Variants in PITPNM3 observed in about 807,000 individuals in gnomAD.
PITPNM3 encodes membrane-associated phosphatidylinositol transfer protein 3.
Under a neutral mutation model 102.0 loss-of-function variants are expected in PITPNM3, and 26 were observed. The observed-to-expected ratio is 0.25, with a 90% CI of 0.19 to 0.35. The LOEUF is 0.35. Ranked by LOEUF, PITPNM3 falls within the 10% of genes least tolerant of loss-of-function variation. The probability of loss-of-function intolerance (pLI) is 1.00; values close to 1 mark genes in which losing one functional copy is unlikely to be tolerated. For missense variants in PITPNM3, 1,083 were observed against 1,346.1 expected, an observed-to-expected ratio of 0.80 and a Z score of 3.06; for synonymous variants, 578 against 558.6, an observed-to-expected ratio of 1.03 and a Z score of -0.49.
intron 3 of PITPNM3, among the ~76,000 whole-genome samples, chr17:6,513,507 A>G (rs188394625): frequency 4.6e-5 from 7 of 152,364 alleles, no homozygotes; most frequent in Admixed American, 4.6e-4. Context: ...CACTTGCAAT[A>G]AACAGTCTGA....
At chr17:6,483,830 T>C (rs1329634364) in intron 5 of PITPNM3, 78 bp from the exon 6 acceptor site, 35 of 1,223,874 alleles carry the variant, frequency 2.9e-5, no homozygotes, top group Non-Finnish European at 3.8e-5. Flanking sequence ...CACACACACA[T>C]GTGCGCATAC....
intron 2 of PITPNM3, among the ~76,000 whole-genome samples, chr17:6,534,576 G>A (rs1909311510): frequency 6.6e-6 from 1 of 152,214 alleles, no homozygotes; most frequent in Non-Finnish European, 1.5e-5. Context: ...TCCAGCCCCT[G>A]CACTTCCACC....
chr17:6,503,681 T>C, intron 3 of PITPNM3, 107 bp from the exon 4 acceptor site: 2 of 1,144,404 alleles, frequency 1.7e-6, no homozygotes, highest in Non-Finnish European at 2.6e-6. Flanking sequence ...CTCTAGAGCT[T>C]GGGATGGGCA....
chr17:6,508,815 C>T (rs1392863832), intron 3 of PITPNM3, among the ~76,000 whole-genome samples: 3 of 152,118 alleles, frequency 2.0e-5, no homozygotes, highest in Admixed American at 1.3e-4. Flanking sequence ...AGTAGGAAGC[C>T]GGGCTTGCCT....
At chr17:6,526,725 T>C (rs144699265) in intron 2 of PITPNM3, among the ~76,000 whole-genome samples, 2 of 152,332 alleles carry the variant, frequency 1.3e-5, no homozygotes, top group Admixed American at 6.5e-5. Context: ...TTAACTCGAT[T>C]CTCAAAACAA....
intron 3 of PITPNM3, 112 bp from the exon 4 acceptor site, chr17:6,503,686 T>TG: frequency 9.2e-7 from 1 of 1,085,864 alleles, no homozygotes; most frequent in Admixed American, 1.9e-5. Flanking sequence ...GAGCTTGGGA[T>TG]GGGCAGAAGT....
intron 14 of PITPNM3, among the ~76,000 whole-genome samples, 178 bp from the exon 15 acceptor site, chr17:6,464,949 C>G (rs749890397): frequency 6.6e-6 from 1 of 152,226 alleles, no homozygotes; most frequent in Non-Finnish European, 1.5e-5. Context: ...AAAAACAGAC[C>G]GTGAGTCCCC....
At position 6,455,279 on chromosome 17, in the gene PITPNM3, C is replaced by T. The variant is rs1008177878; in HGVS notation, c.*59G>A. The T allele has an allele frequency of 4.6e-6, 7 of 1,511,872 alleles. No individual in the cohort carries two copies. Among genetic ancestry groups the T allele is most frequent in the Non-Finnish European group, 5.3e-6 (6 of 1,131,390 alleles). The allele number at this position is 1,511,872 out of a possible 1,614,324, so 93.7% of individuals were successfully genotyped here. ...TGTCGGGGAGAGGGCAGCCCCCTCC[C>T]GTCCCCGCAGGCAGCCTGATTGGGC... On this transcript the variant is annotated 3_prime_UTR_variant, in exon 20 of 20. Coordinates refer to ENST00000262483, the MANE Select transcript of PITPNM3 (RefSeq NM_031220.4).
In PITPNM3 at chr17:6,464,640, C is replaced by A; in HGVS notation, c.2007+15G>T. The A allele has an allele frequency of 6.2e-7, 1 of 1,609,002 alleles. No homozygotes were observed. Among genetic ancestry groups the A allele is most frequent in the Non-Finnish European group, 8.5e-7 (1 of 1,175,948 alleles). ...AGGTGGAGTGGCTGAGGAGGGGAGG[C>A]CCAGCCCCAGGTACCTTCTCTCCAG... On this transcript the variant is annotated intron_variant, in intron 15 of 19. Transcript: ENST00000262483.
chr17:6,484,122 G>T, intron 5 of PITPNM3, 94 bp downstream of exon 5: 1 of 1,356,602 alleles, frequency 7.4e-7, no homozygotes, highest in Non-Finnish European at 1.0e-6. Flanking sequence ...CAGACGAAGA[G>T]CTGGAAGAAA....
chr17:6,506,474 C>T (rs1006564018), intron 3 of PITPNM3, among the ~76,000 whole-genome samples: 2 of 151,548 alleles, frequency 1.3e-5, no homozygotes, highest in Admixed American at 6.6e-5. Context: ...CAGGTTCAAG[C>T]GATTCTCCTG....
In PITPNM3 at chr17:6,478,505, G is replaced by A. The variant is rs758878413; in HGVS notation, c.777+42C>T. On this transcript the variant is annotated intron_variant, in intron 7 of 19. Transcript: ENST00000262483. This position sits in a 1 kb window ranked among gnomAD's most constrained non-coding sequence, Gnocchi z 4.4. ...CCAGCCTCTCTCCCAGGCCGGGGCC[G>A]GAACAGGGGAGGGGAGAGGAGGAGA... 42 of 1,607,630 alleles carry A rather than the reference G, an allele frequency of 2.6e-5. No homozygotes were observed. Among genetic ancestry groups the A allele is most frequent in the Middle Eastern group, 3.3e-4 (2 of 6,072 alleles).
chr17:6,460,427 C>A (rs576507982), intron 18 of PITPNM3: 1 of 152,390 alleles, frequency 6.6e-6, no homozygotes, highest in Non-Finnish European at 1.5e-5. Context: ...GTCCTTCCTC[C>A]TCTAGATCAG....
intron 16 of PITPNM3, 80 bp from the exon 17 acceptor site, chr17:6,463,961 A>G: frequency 6.3e-7 from 1 of 1,586,148 alleles, no homozygotes; most frequent in Non-Finnish European, 8.6e-7. Flanking sequence ...CTGTAGCTGC[A>G]GTCAGAGCTC....
intron 1 of PITPNM3, among the ~76,000 whole-genome samples, chr17:6,545,122 T>C (rs1392083263): frequency 1.3e-5 from 2 of 152,126 alleles, no homozygotes; most frequent in African/African-American, 2.4e-5. Context: ...GTGATCTTAC[T>C]AAATGACAGG....
chr17:6,465,344 C>T (rs908333245), intron 14 of PITPNM3, among the ~76,000 whole-genome samples: 6 of 152,320 alleles, frequency 3.9e-5, no homozygotes, highest in Admixed American at 6.5e-5. Flanking sequence ...CCGTGCCTGG[C>T]CCGTTCTCTG....
intron 3 of PITPNM3, among the ~76,000 whole-genome samples, chr17:6,519,466 C>A (rs1908381113): frequency 1.3e-5 from 2 of 150,982 alleles, no homozygotes. Context: ...TTGCAGTGAG[C>A]CGAGATAGCG....
Position 6,477,181 on chromosome 17 carries a change from G to C in PITPNM3, c.933C>G (p.Ser311Arg). Residue 311 changes from serine to arginine, a missense_variant, in exon 9 of 20, where the codon AGC becomes AGG. Physicochemically the swap from Ser to Arg is moderately radical, Grantham distance 110 (BLOSUM62 -1). Coordinates refer to ENST00000262483, the MANE Select transcript of PITPNM3 (RefSeq NM_031220.4). Reference sequence around the variant, plus strand: ...TGCTGAGACGCTTGCTGCTGGCCAGGCTGCAATCTTCCTCCACCGCGACTG... The same window carrying C: ...TGCTGAGACGCTTGCTGCTGGCCAGCCTGCAATCTTCCTCCACCGCGACTG... ...DTPVAVEEDC[S>R]LASSKRLSKS... 1 of 1,614,178 alleles carries C rather than the reference G, an allele frequency of 6.2e-7. No individual in the cohort carries two copies. The highest frequency in any genetic ancestry group is 1.6e-4 in the Middle Eastern group (1 of 6,062).
intron 4 of PITPNM3, among the ~76,000 whole-genome samples, chr17:6,497,189 T>C (rs1490165012): frequency 6.6e-6 from 1 of 152,132 alleles, no homozygotes; most frequent in Non-Finnish European, 1.5e-5. Flanking sequence ...AGGCCAGCCG[T>C]GGGCAAGGGG....
Sources: gnomAD v4.1 joint callset for allele counts (sites outside exome capture counted in the v4.1 genomes callset) on GRCh38, gnomAD v4.1.1 for gene constraint, Gnocchi (gnomAD v3.1) non-coding constraint, MANE v1.5 for transcripts, NCBI Gene and HGNC (gene_info 2026-07-23, HGNC 2026-07-21) for gene names.